Variants in COX7B2 observed in about 807,000 individuals in gnomAD.
The protein encoded by COX7B2 is cytochrome c oxidase subunit 7B2, mitochondrial.
For synonymous variants in COX7B2, 37 were observed against 32.1 expected (o/e 1.15, Z -0.51); for missense variants, 109 against 95.9 (o/e 1.14, Z -0.57).
chr4:46,766,325 C>T (rs1219867903), intron 2 of COX7B2, among the ~76,000 whole-genome samples: 5 of 152,050 alleles, frequency 3.3e-5, no homozygotes, highest in African/African-American at 1.2e-4. Flanking sequence ...AATATCTATA[C>T]CTACAATAAT....
chr4:46,805,621 T>C (rs1338978374), intron 2 of COX7B2, among the ~76,000 whole-genome samples: 1 of 152,180 alleles, frequency 6.6e-6, no homozygotes, highest in Non-Finnish European at 1.5e-5. Context: ...TTTAAAAAAA[T>C]TTAAATCAAA....
intron 2 of COX7B2, among the ~76,000 whole-genome samples, chr4:46,752,290 G>T (rs960151144): frequency 3.3e-4 from 50 of 151,506 alleles, no homozygotes; most frequent in African/African-American, 1.1e-3. Context: ...CTTTGCTGAA[G>T]TTGCTTATCA....
chr4:46,787,830 TC>T (rs746305723), intron 2 of COX7B2, among the ~76,000 whole-genome samples: 2 of 152,214 alleles, frequency 1.3e-5, no homozygotes, highest in Non-Finnish European at 2.9e-5. Context: ...CTTTTTCCTT[TC>T]CTGGGATTTT....
intron 2 of COX7B2, among the ~76,000 whole-genome samples, chr4:46,841,280 A>G (rs1715906397): frequency 6.6e-6 from 1 of 151,646 alleles, no homozygotes; most frequent in Admixed American, 6.6e-5. Context: ...CTAAAACAAT[A>G]TCAGAGGTTC....
At chr4:46,803,952 T>C (rs1489189492) in intron 2 of COX7B2, among the ~76,000 whole-genome samples, 1 of 152,180 alleles carries the variant, frequency 6.6e-6, no homozygotes, top group Non-Finnish European at 1.5e-5. Flanking sequence ...TCTCACTGAC[T>C]TCAAGAATGA....
At chr4:46,895,574 G>C (rs9291293) in intron 1 of COX7B2, among the ~76,000 whole-genome samples, 36,911 of 151,946 alleles carry the variant, frequency 0.24, 4,685 homozygotes, top group East Asian at 0.29. Context: ...AAAATAATCT[G>C]TACAACAAAT....
chr4:46,833,156 C>A (rs1222304704), intron 2 of COX7B2, among the ~76,000 whole-genome samples: 1 of 152,168 alleles, frequency 6.6e-6, no homozygotes, highest in African/African-American at 2.4e-5. Context: ...CCACCCACCT[C>A]GGCCTCCCAG....
At chr4:46,899,163 AC>A (rs1465717533) in intron 1 of COX7B2, among the ~76,000 whole-genome samples, 6 of 152,104 alleles carry the variant, frequency 3.9e-5, no homozygotes, top group African/African-American at 1.4e-4. Context: ...ACTCCAACCT[AC>A]CTGTATTGAT....
intron 2 of COX7B2, among the ~76,000 whole-genome samples, chr4:46,826,979 CA>C: frequency 6.6e-6 from 1 of 151,978 alleles, no homozygotes; most frequent in East Asian, 1.9e-4. Context: ...TGAATATGAC[CA>C]AATGGTTTTA....
At chr4:46,905,726 G>C (rs560119095) in intron 1 of COX7B2, among the ~76,000 whole-genome samples, 3 of 150,300 alleles carry the variant, frequency 2.0e-5, no homozygotes, top group Non-Finnish European at 4.4e-5. Context: ...TTCCCTCTCT[G>C]AGCCCTCAGT....
chr4:46,778,242 A>C lies in COX7B2; in HGVS notation c.-49-43001T>G, dbSNP rs557601460. On this transcript the variant is annotated intron_variant, in intron 2 of 2. Coordinates refer to ENST00000355591, the MANE Select transcript of COX7B2 (RefSeq NM_130902.3). ...AGAAGTATCCATGAACAAGGCTAAA[A>C]CTTTTCCTATCACTATAATTTCTGT... 2.6e-5 allele frequency among the ~76,000 whole-genome samples: 4 copies of C among 152,204 alleles called. No individual in the cohort carries two copies. In the East Asian group the frequency reaches 7.7e-4, roughly 29 times the overall value.
chr4:46,867,856 C>T (rs1267742014), intron 1 of COX7B2, among the ~76,000 whole-genome samples: 1 of 152,064 alleles, frequency 6.6e-6, no homozygotes. Flanking sequence ...TGTGTCTCTG[C>T]CAGGTTTTGG....
intron 1 of COX7B2, among the ~76,000 whole-genome samples, chr4:46,907,171 C>T (rs1431862463): frequency 3.9e-5 from 6 of 152,264 alleles, no homozygotes; most frequent in African/African-American, 1.4e-4. Flanking sequence ...AACTCTTAAA[C>T]TCTTCTTTTA....
At chr4:46,860,941 C>G (rs1051451589) in intron 1 of COX7B2, among the ~76,000 whole-genome samples, 13 of 152,052 alleles carry the variant, frequency 8.5e-5, no homozygotes, top group Admixed American at 6.5e-5. Context: ...GGATTTTGGC[C>G]TATGGTGAGG....
At chr4:46,857,742 A>G (rs1257941603) in intron 1 of COX7B2, among the ~76,000 whole-genome samples, 2 of 152,192 alleles carry the variant, frequency 1.3e-5, no homozygotes, top group Non-Finnish European at 2.9e-5. Flanking sequence ...ACAGATCAAA[A>G]CACAGAGTTT....
intron 2 of COX7B2, among the ~76,000 whole-genome samples, chr4:46,773,248 T>G (rs904345986): frequency 1.3e-5 from 2 of 151,978 alleles, no homozygotes; most frequent in Non-Finnish European, 2.9e-5. Context: ...AATCCCCACA[T>G]GTCATGGGAA....
At chr4:46,801,535 G>A (rs1163008776) in intron 2 of COX7B2, among the ~76,000 whole-genome samples, 1 of 152,124 alleles carries the variant, frequency 6.6e-6, no homozygotes, top group Non-Finnish European at 1.5e-5. Flanking sequence ...TGGACACAAA[G>A]AAGGGAACGA....
At chr4:46,826,742 T>C (rs1172614885) in intron 2 of COX7B2, among the ~76,000 whole-genome samples, 1 of 152,068 alleles carries the variant, frequency 6.6e-6, no homozygotes, top group African/African-American at 2.4e-5. Context: ...CTCTTAACCT[T>C]AGCAATCTAA....
chr4:46,889,753 A>G (rs1719312980), intron 1 of COX7B2, among the ~76,000 whole-genome samples: 2 of 152,176 alleles, frequency 1.3e-5, no homozygotes, highest in African/African-American at 4.8e-5. Flanking sequence ...TAGTACAGGA[A>G]CAAAGGTGCT....
Sources: gnomAD v4.1 joint callset for allele counts (sites outside exome capture counted in the v4.1 genomes callset) on GRCh38, gnomAD v4.1.1 for gene constraint, MANE v1.5 for transcripts, NCBI Gene and HGNC (gene_info 2026-07-23, HGNC 2026-07-21) for gene names.